Variants in DCHS2 observed in about 807,000 individuals in gnomAD.
DCHS2 encodes the protein dachsous cadherin-related 2.
DCHS2 carries 142 observed loss-of-function variants against 182.4 expected under a neutral mutation model. The observed-to-expected ratio is 0.78, with a 90% CI of 0.68 to 0.89. DCHS2 has a LOEUF of 0.89. Among genes scored for constraint, DCHS2 ranks in the 40% least tolerant of loss-of-function variants. The pLI is 0.00. For synonymous variants in DCHS2, 1,740 were observed against 1,663.3 expected (o/e 1.05, Z -1.12); for missense variants, 4,319 against 4,198.6 (o/e 1.03, Z -0.79).
chr4:154,323,032 T>C (rs1736136760), intron 7 of DCHS2: 1 of 622,048 alleles, frequency 1.6e-6, no homozygotes, highest in South Asian at 2.6e-5. Flanking sequence ...AAAGTCCATA[T>C]ATTGCATATT....
intron 13 of DCHS2, among the ~76,000 whole-genome samples, chr4:154,285,854 G>A (rs1371369659): frequency 3.3e-5 from 5 of 151,968 alleles, no homozygotes; most frequent in African/African-American, 4.8e-5. Context: ...CCACTGTAGA[G>A]CCCTGGGGCC....
intron 2 of DCHS2, among the ~76,000 whole-genome samples, 175 bp downstream of exon 2, chr4:154,377,078 T>G (rs1730935758): frequency 6.6e-6 from 1 of 152,184 alleles, no homozygotes; most frequent in Non-Finnish European, 1.5e-5. Context: ...CTTGAATTAT[T>G]TATGGGTGAA....
Position 154,366,230 on chromosome 4 carries a change from A to G in DCHS2, c.2456T>C (p.Phe819Ser), listed in dbSNP as rs1373916342. The G allele has an allele frequency of 1.2e-6, 2 of 1,613,694 alleles. No homozygotes were observed. The highest frequency in any genetic ancestry group is 1.7e-6 in the Non-Finnish European group (2 of 1,179,844). Reference protein sequence around the residue: ...ELIPGNVSSLFTIDSTTGIIY... With the variant: ...ELIPGNVSSLSTIDSTTGIIY... ...CATACCTGTGGTGGAGTCAATGGTA[A>G]AAAGGGACGACACGTTTCCTGGAAT... Residue 819 changes from phenylalanine to serine, a missense_variant, in exon 3 of 20, where the codon TTT (phenylalanine) becomes TCT (serine). By Grantham distance (155) the Phe-to-Ser change is radical (BLOSUM62 -2). Transcript: ENST00000357232.
At chr4:154,315,394 C>A (rs1005150778) in intron 10 of DCHS2, among the ~76,000 whole-genome samples, 1 of 152,222 alleles carries the variant, frequency 6.6e-6, no homozygotes, top group East Asian at 1.9e-4. Context: ...AAATAAAGAA[C>A]CATTTATCTT....
At chr4:154,484,996 C>T (rs2111044101) in intron 1 of DCHS2, among the ~76,000 whole-genome samples, 2 of 152,328 alleles carry the variant, frequency 1.3e-5, no homozygotes, top group South Asian at 4.1e-4. Flanking sequence ...CAGAGAATCC[C>T]CGATCTACTG....
chr4:154,333,553 CAGAAAT>C, intron 4 of DCHS2, 59 bp from the exon 5 acceptor site: 1 of 1,482,678 alleles, frequency 6.7e-7, no homozygotes. Context: ...ACTGGAAACT[CAGAAAT>C]TGAAATGTTA....
At position 154,240,840 on chromosome 4, in the gene DCHS2, C is replaced by A. The variant is rs1188982246; in HGVS notation, c.7073-17G>T. ...GCAAAGAATCTGAAATAGTCATGAC[C>A]AGTGTCAGTCTCCATTAAAATTCAT... On this transcript the variant is annotated splice_polypyrimidine_tract_variant and intron_variant, in intron 17 of 19. Transcript: ENST00000357232. The A allele has an allele frequency of 5.0e-6, 8 of 1,610,370 alleles. No homozygotes were observed. The South Asian group carries it at 7.7e-5, about 15-fold the overall frequency.
At chr4:154,347,222 T>C (rs552696916) in intron 3 of DCHS2, among the ~76,000 whole-genome samples, 2 of 149,902 alleles carry the variant, frequency 1.3e-5, no homozygotes, top group South Asian at 2.1e-4. Flanking sequence ...TTTGATTAAA[T>C]CTTAGCAGAA....
chr4:154,486,788 A>T (rs56390496), intron 1 of DCHS2, among the ~76,000 whole-genome samples: 25,518 of 152,182 alleles, frequency 0.17, 2,610 homozygotes, highest in Admixed American at 0.28. Flanking sequence ...GCTGCCTTGG[A>T]GAGGCCACCA....
chr4:154,333,275 G>T lies in DCHS2; in HGVS notation c.2933C>A (p.Ala978Glu). The T allele has an allele frequency of 6.2e-7, 1 of 1,614,240 alleles. No individual in the cohort carries two copies. The highest frequency in any genetic ancestry group is 8.5e-7 in the Non-Finnish European group (1 of 1,180,046). Reference protein sequence around the residue: ...TVMDVNDNHPAFLRTSDEIRI... With the variant: ...TVMDVNDNHPEFLRTSDEIRI... ...AATCTCATCCGAGGTCCTGAGGAACGCTGGGTGGTTGTCATTGACATCCAT... is the reference window on the plus strand; with the variant it reads ...AATCTCATCCGAGGTCCTGAGGAACTCTGGGTGGTTGTCATTGACATCCAT... Residue 978 changes from alanine to glutamate, a missense_variant, in exon 5 of 20, where the codon GCG becomes GAG. Physicochemically the swap from Ala to Glu is moderately radical, Grantham distance 107. Transcript: ENST00000357232.
chr4:154,376,955 G>A (rs986984168), intron 2 of DCHS2, among the ~76,000 whole-genome samples: 2 of 152,084 alleles, frequency 1.3e-5, no homozygotes, highest in African/African-American at 2.4e-5. Context: ...AACTATAAAA[G>A]ACATGTTTTG....
At chr4:154,318,511 T>C (rs1735940459) in intron 9 of DCHS2, among the ~76,000 whole-genome samples, 1 of 151,550 alleles carries the variant, frequency 6.6e-6, no homozygotes, top group Non-Finnish European at 1.5e-5. Context: ...ACAAATAAAT[T>C]CAGAAAAGGC....
At chr4:154,290,998 G>A (rs7689705) in intron 13 of DCHS2, among the ~76,000 whole-genome samples, 149,101 of 152,232 alleles carry the variant, frequency 0.98, 73,096 homozygotes, top group Middle Eastern at 1. Context: ...AAAGTGAAGC[G>A]ACAACCCACT....
intron 8 of DCHS2, 56 bp downstream of exon 8, chr4:154,322,275 T>C (rs933381775): frequency 2.5e-6 from 4 of 1,607,296 alleles, no homozygotes; most frequent in South Asian, 2.2e-5. Context: ...AAACTTGTAA[T>C]GAAAGTCAAA....
chr4:154,343,346 C>G (rs1314856573), intron 3 of DCHS2: 2 of 911,666 alleles, frequency 2.2e-6, no homozygotes, highest in Non-Finnish European at 3.0e-6. Context: ...GTCAGCCTGC[C>G]CTTTTAAGTT....
At chr4:154,263,992 GA>G (rs1410607664) in intron 14 of DCHS2, among the ~76,000 whole-genome samples, 5 of 151,306 alleles carry the variant, frequency 3.3e-5, no homozygotes, top group African/African-American at 9.7e-5. Context: ...TTGAAAGGGA[GA>G]AAAAAAATCT....
intron 13 of DCHS2, among the ~76,000 whole-genome samples, chr4:154,291,720 C>T (rs1183006549): frequency 1.3e-5 from 2 of 152,208 alleles, no homozygotes; most frequent in East Asian, 3.9e-4. Context: ...CACATGTTCT[C>T]ACTTATTTGT....
intron 1 of DCHS2, chr4:154,391,074 A>G: frequency 9.2e-7 from 1 of 1,089,392 alleles, no homozygotes; most frequent in Non-Finnish European, 1.3e-6. Flanking sequence ...CTCAGAAGTA[A>G]ATTCTTTGGC....
chr4:154,347,869 C>A (rs988176799), intron 3 of DCHS2, among the ~76,000 whole-genome samples: 7 of 151,870 alleles, frequency 4.6e-5, no homozygotes, highest in Admixed American at 1.3e-4. Context: ...CTCATTCCAA[C>A]ATGTCTAGCC....
Sources: allele counts gnomAD v4.1 joint callset (sites outside exome capture counted in the v4.1 genomes callset), GRCh38; gene constraint gnomAD v4.1.1; transcripts MANE v1.5; gene names NCBI Gene and HGNC (gene_info 2026-07-23, HGNC 2026-07-21).